The following EPN2 variants were observed in gnomAD, a reference collection of about 807,000 sequenced individuals.
EPN2 encodes the protein epsin-2.
In EPN2, 34 loss-of-function variants were observed where a neutral mutation model predicts 61.7. The ratio of observed to expected loss-of-function variants is 0.55; its 90% CI spans 0.42 to 0.73. The LOEUF (loss-of-function observed/expected upper bound fraction) is 0.73, where lower values mean the gene tolerates loss of function less well. Among genes scored for constraint, EPN2 ranks in the 30% least tolerant of loss-of-function variants. EPN2 has a pLI of 0.00. For synonymous variants in EPN2, 349 were observed against 353.6 expected (o/e 0.99, Z 0.15); for missense variants, 714 against 839.2 (o/e 0.85, Z 1.84).
At chr17:19,312,229 G>A (rs776917049) in intron 6 of EPN2, 85 bp downstream of exon 6, 13 of 902,862 alleles carry the variant, frequency 1.4e-5, no homozygotes, top group Non-Finnish European at 2.0e-5. Context: ...CCTGGATGGC[G>A]TGATGCACAG....
intron 4 of EPN2, among the ~76,000 whole-genome samples, chr17:19,291,918 T>C (rs898995384): frequency 6.6e-6 from 1 of 152,152 alleles, no homozygotes; most frequent in African/African-American, 2.4e-5. Context: ...TCAGCCCTGC[T>C]TGCCCAGCTC....
intron 5 of EPN2, 84 bp from the exon 6 acceptor site, chr17:19,311,968 G>A: frequency 1.2e-6 from 1 of 866,900 alleles, no homozygotes; most frequent in Admixed American, 1.9e-5. Context: ...ATCATACAAT[G>A]TGCATTTCCT....
chr17:19,306,838 C>T (rs1905867201), intron 4 of EPN2, among the ~76,000 whole-genome samples: 1 of 152,124 alleles, frequency 6.6e-6, no homozygotes, highest in South Asian at 2.1e-4. Flanking sequence ...TTGTGGTTTC[C>T]ATTTGGTAGT....
At chr17:19,301,908 G>A (rs779913110) in intron 4 of EPN2, among the ~76,000 whole-genome samples, 2 of 152,248 alleles carry the variant, frequency 1.3e-5, no homozygotes, top group African/African-American at 2.4e-5. Flanking sequence ...GTGGGTGTGC[G>A]CATGTAACTG....
chr17:19,307,578 C>T lies in EPN2; in HGVS notation c.767-2307C>T, dbSNP rs149414105. On this transcript the variant is annotated intron_variant, in intron 4 of 10. Coordinates refer to ENST00000314728, the MANE Select transcript of EPN2 (RefSeq NM_014964.5). ...TAGAATGGTCTCGATCTCCTGACCT[C>T]GTGATCTGCCTGCCTCGGCATCCCG... Among the ~76,000 whole-genome samples the T allele has an allele frequency of 1.4e-4, 21 of 152,304 alleles. 1 individual carries two copies. Among genetic ancestry groups the T allele is most frequent in the African/African-American group, 5.1e-4 (21 of 41,560 alleles).
intron 4 of EPN2, among the ~76,000 whole-genome samples, chr17:19,293,149 C>T (rs1358513164): frequency 1.3e-5 from 2 of 151,868 alleles, no homozygotes; most frequent in South Asian, 2.1e-4. Context: ...GAGGTTGAGA[C>T]GGGCAGATCA....
In EPN2 at chr17:19,283,094, TTAAACTTA is replaced by T. The variant is rs767839962; in HGVS notation, c.-22_-15del. ...GGAAGGTTTCTCTGTTTGAAGGGCT[TTAAACTTA>T]TAACAAAGAAAATAAAAATGACGAC... is the stretch of plus-strand genomic sequence containing the variant. On this transcript the variant is annotated 5_prime_UTR_variant, in exon 3 of 11. Coordinates refer to ENST00000314728, the MANE Select transcript of EPN2 (RefSeq NM_014964.5). This position sits in a 1 kb window ranked among gnomAD's most constrained non-coding sequence, Gnocchi z 7.0. 1 of 1,574,266 alleles carries T rather than the reference TTAAACTTA, an allele frequency of 6.4e-7. No homozygotes were observed. Among genetic ancestry groups the T allele is most frequent in the East Asian group, 2.2e-5 (1 of 44,620 alleles).
intron 4 of EPN2, among the ~76,000 whole-genome samples, chr17:19,304,824 C>A (rs904409406): frequency 6.6e-6 from 1 of 152,188 alleles, no homozygotes; most frequent in African/African-American, 2.4e-5. Context: ...CTGGTCTTCC[C>A]TTGGCTGACA....
chr17:19,257,519 C>T (rs1015253871), intron 1 of EPN2, among the ~76,000 whole-genome samples: 3 of 118,424 alleles, frequency 2.5e-5, no homozygotes, highest in African/African-American at 1.1e-4. Context: ...CTCTCTCTCT[C>T]TCTCTTTTTT....
chr17:19,258,910 G>A (rs1055400492), intron 1 of EPN2, among the ~76,000 whole-genome samples: 2 of 152,190 alleles, frequency 1.3e-5, no homozygotes, highest in African/African-American at 2.4e-5. Context: ...GGCCCACCAC[G>A]TGTGTGGCCC....
intron 4 of EPN2, among the ~76,000 whole-genome samples, chr17:19,289,830 C>A (rs935396127): frequency 6.7e-6 from 1 of 148,712 alleles, no homozygotes; most frequent in Non-Finnish European, 1.5e-5. Context: ...TGGCTTCAAG[C>A]TATTCTTCCT....
chr17:19,301,872 C>T (rs371929722), intron 4 of EPN2, among the ~76,000 whole-genome samples: 15 of 152,370 alleles, frequency 9.8e-5, no homozygotes, highest in African/African-American at 3.1e-4. Context: ...GGACTTTCCT[C>T]AGGCCTAGAG....
At chr17:19,312,846 C>G (rs1404595763) in intron 6 of EPN2, 2 of 443,462 alleles carry the variant, frequency 4.5e-6, no homozygotes, top group South Asian at 5.8e-5. Flanking sequence ...CCAGTGTTAG[C>G]CTGGAAAAGT....
At chr17:19,311,360 G>A (rs1906128870) in intron 5 of EPN2, among the ~76,000 whole-genome samples, 1 of 152,078 alleles carries the variant, frequency 6.6e-6, no homozygotes, top group African/African-American at 2.4e-5. Flanking sequence ...AAAATATAAG[G>A]GAGCAAGTTC....
Position 19,335,202 on chromosome 17 carries a change from C to T in EPN2, c.*948C>T, listed in dbSNP as rs937763114. 2.4e-6 allele frequency: 1 copy of T among 412,036 alleles called. No homozygotes were observed. The highest frequency in any genetic ancestry group is 2.0e-5 in the African/African-American group (1 of 49,268). The allele number at this position is 412,036 out of a possible 1,614,324, so 25.5% of individuals were successfully genotyped here. A position where few individuals can be genotyped will look rare whatever the true frequency, so the allele number is the denominator to read the frequency against. ...AAAAAAAACAACAGCAACAAAAAAT[C>T]CTAGCCTCCAGTTGCCTTTTCCTTT... On this transcript the variant is annotated 3_prime_UTR_variant, in exon 11 of 11. Transcript: ENST00000314728.
At chr17:19,325,695 T>G (rs1906833977) in intron 7 of EPN2, among the ~76,000 whole-genome samples, 1 of 152,206 alleles carries the variant, frequency 6.6e-6, no homozygotes, top group Admixed American at 6.5e-5. Context: ...CTACCAGCAC[T>G]TCTATTTGAT....
chr17:19,297,405 T>TTA (rs1230808887), intron 4 of EPN2: 1 of 152,280 alleles, frequency 6.6e-6, no homozygotes, highest in Non-Finnish European at 1.5e-5. Context: ...GGACATGTCA[T>TTA]TCACAACCGT....
chr17:19,327,910 G>A (rs1345862867), intron 7 of EPN2, among the ~76,000 whole-genome samples: 4 of 152,182 alleles, frequency 2.6e-5, no homozygotes, highest in African/African-American at 7.2e-5. Context: ...GCAGTGCTCC[G>A]CGAGAAGGAA....
chr17:19,313,166 G>A lies in EPN2; in HGVS notation c.1034G>A (p.Gly345Asp). 2 of 1,613,658 alleles carry A rather than the reference G, an allele frequency of 1.2e-6. No homozygotes were observed. Among genetic ancestry groups the A allele is most frequent in the Non-Finnish European group, 1.7e-6 (2 of 1,179,804 alleles). The stretch of plus-strand genomic sequence containing the variant: ...TTAATGGATGCTCTCCCCAGCTCGG[G>A]CCCCGCGGCCCAGAAAGCAGAGCCC... ...LDLMDALPSS[G>D]PAAQKAEPWG... Residue 345 changes from glycine (G) to aspartate (D), a missense_variant, in exon 7 of 11, where the codon GGC (glycine) becomes GAC (aspartate). This residue lies in a region of EPN2 where 410 missense variants were observed against 421.8 expected (regional missense o/e 0.97). Transcript: ENST00000314728.
Sources: gnomAD v4.1 joint callset for allele counts (sites outside exome capture counted in the v4.1 genomes callset) on GRCh38, gnomAD v4.1.1 for gene constraint, gnomAD v4.1.1 regional missense constraint, Gnocchi (gnomAD v3.1) non-coding constraint, MANE v1.5 for transcripts, NCBI Gene and HGNC (gene_info 2026-07-23, HGNC 2026-07-21) for gene names.